REDIC1: variants seen among roughly 807,000 people sequenced by gnomAD.
REDIC1 encodes regulator of DNA class I crossover intermediates 1.
chr12:39,894,974 G>A, the REDIC1 span, among the ~76,000 whole-genome samples: 1 of 152,182 alleles, frequency 6.6e-6, no homozygotes, highest in African/African-American at 2.4e-5. Context: ...TGCTTAAGAA[G>A]CATCATGGAC....
At chr12:39,877,655 GGAAA>G in the REDIC1 span, among the ~76,000 whole-genome samples, 1 of 152,086 alleles carries the variant, frequency 6.6e-6, no homozygotes, top group Non-Finnish European at 1.5e-5. Flanking sequence ...ATGGACTTGT[GGAAA>G]GATACACTGA....
At chr12:39,637,548 A>G in the REDIC1 span, among the ~76,000 whole-genome samples, 3,518 of 152,202 alleles carry the variant, frequency 0.023, 63 homozygotes, top group Non-Finnish European at 0.037. Flanking sequence ...AAGTAGGTGC[A>G]TGCTATGGAA....
the REDIC1 span, among the ~76,000 whole-genome samples, chr12:39,867,244 A>G: frequency 6.6e-6 from 1 of 152,172 alleles, no homozygotes; most frequent in Non-Finnish European, 1.5e-5. Flanking sequence ...GGAAACTTTG[A>G]TATATTAAGA....
the REDIC1 span, among the ~76,000 whole-genome samples, chr12:39,771,246 T>C: frequency 6.6e-6 from 1 of 152,136 alleles, no homozygotes; most frequent in Non-Finnish European, 1.5e-5. Flanking sequence ...TTCCTTTTTC[T>C]GGAGTGTGGG....
the REDIC1 span, among the ~76,000 whole-genome samples, chr12:39,905,153 C>T: frequency 2.0e-5 from 3 of 152,276 alleles, no homozygotes; most frequent in East Asian, 1.9e-4. Context: ...GCTGGTCCTA[C>T]TGTGAACAAC....
chr12:39,898,950 G>A, the REDIC1 span, among the ~76,000 whole-genome samples: 18 of 152,024 alleles, frequency 1.2e-4, no homozygotes, highest in Non-Finnish European at 2.4e-4. Flanking sequence ...CTCTTTTTTC[G>A]TTGTGTCTCT....
chr12:39,905,829 A>AAAAC, the REDIC1 span, among the ~76,000 whole-genome samples: 100 of 151,700 alleles, frequency 6.6e-4, 2 homozygotes, highest in East Asian at 0.014. Flanking sequence ...CCAGAAAAAA[A>AAAAC]AAAAAACTAC....
the REDIC1 span, among the ~76,000 whole-genome samples, chr12:39,653,959 T>A: frequency 5.8e-4 from 88 of 152,086 alleles, 1 homozygote; most frequent in African/African-American, 1.9e-3. Context: ...TTTTTGTAAG[T>A]GTCCTTTATC....
At chr12:39,643,977 T>C in the REDIC1 span, 1 of 1,261,758 alleles carries the variant, frequency 7.9e-7, no homozygotes, top group East Asian at 2.7e-5. Flanking sequence ...ATGTTTAGTC[T>C]TCTAATTAGT....
At chr12:39,761,855 A>T in the REDIC1 span, among the ~76,000 whole-genome samples, 1 of 152,086 alleles carries the variant, frequency 6.6e-6, no homozygotes, top group African/African-American at 2.4e-5. Flanking sequence ...ACTTTTAAAT[A>T]TAATAGTATA....
chr12:39,711,604 CAT>C, the REDIC1 span, among the ~76,000 whole-genome samples: 3 of 120,044 alleles, frequency 2.5e-5, no homozygotes, highest in South Asian at 2.6e-4. Flanking sequence ...TGTGTATACA[CAT>C]GCATGTGTAT....
At chr12:39,809,111 C>T in the REDIC1 span, among the ~76,000 whole-genome samples, 188 of 152,070 alleles carry the variant, frequency 1.2e-3, no homozygotes, top group Non-Finnish European at 2.3e-3. Context: ...AGGTCCATTC[C>T]CTCCACCTTC....
At chr12:39,655,258 C>T in the REDIC1 span, among the ~76,000 whole-genome samples, 2 of 152,036 alleles carry the variant, frequency 1.3e-5, no homozygotes, top group African/African-American at 4.8e-5. Context: ...TCTTTTTCTG[C>T]TTGCCTTGGA....
At chr12:39,880,350 T>A in the REDIC1 span, among the ~76,000 whole-genome samples, 2 of 152,228 alleles carry the variant, frequency 1.3e-5, no homozygotes, top group Non-Finnish European at 2.9e-5. Context: ...GAACTATTTT[T>A]AAAAAATTAA....
chr12:39,649,051 C>G, the REDIC1 span, among the ~76,000 whole-genome samples: 1 of 151,716 alleles, frequency 6.6e-6, no homozygotes, highest in Non-Finnish European at 1.5e-5. Flanking sequence ...ATAACTCATC[C>G]TTGCTCTATT....
At chr12:39,705,896 A>G in the REDIC1 span, among the ~76,000 whole-genome samples, 1 of 152,106 alleles carries the variant, frequency 6.6e-6, no homozygotes, top group Non-Finnish European at 1.5e-5. Context: ...TCTAAGATAT[A>G]GAACATGACA....
At chr12:39,681,979 T>C in the REDIC1 span, among the ~76,000 whole-genome samples, 1 of 137,650 alleles carries the variant, frequency 7.3e-6, no homozygotes, top group African/African-American at 2.8e-5. Context: ...TTGATTCTTG[T>C]GCACAAATTG....
chr12:39,762,143 G>A, the REDIC1 span, among the ~76,000 whole-genome samples: 3 of 152,050 alleles, frequency 2.0e-5, no homozygotes, highest in African/African-American at 4.8e-5. Flanking sequence ...GGTTCCAATG[G>A]TTAGACCTGT....
chr12:39,684,907 TG>T, the REDIC1 span: 1 of 1,612,476 alleles, frequency 6.2e-7, no homozygotes, highest in Non-Finnish European at 8.5e-7. Context: ...TAAGCAGTCA[TG>T]GGACTTTGGA....
Sources: allele counts gnomAD v4.1 joint callset (sites outside exome capture counted in the v4.1 genomes callset), GRCh38; gene constraint gnomAD v4.1.1; transcripts MANE v1.5; gene names NCBI Gene and HGNC (gene_info 2026-07-23, HGNC 2026-07-21).